GABRB1: variants seen among roughly 807,000 people sequenced by gnomAD.
GABRB1 encodes the protein gamma-aminobutyric acid receptor subunit beta-1.
A neutral mutation model predicts 51.6 loss-of-function variants in GABRB1; 17 were observed. The ratio of observed to expected loss-of-function variants is 0.33; its 90% CI spans 0.23 to 0.49. The LOEUF (loss-of-function observed/expected upper bound fraction) is 0.49, where lower values mean the gene tolerates loss of function less well. Among genes scored for constraint, GABRB1 ranks in the 20% least tolerant of loss-of-function variants. The pLI is 0.99. For missense variants in GABRB1, 410 were observed against 600.6 expected (o/e 0.68, Z 3.32); for synonymous variants, 247 against 218.9 (o/e 1.13, Z -1.14).
chr4:47,396,768 TA>T (rs1215830615), intron 5 of GABRB1, among the ~76,000 whole-genome samples: 19 of 152,218 alleles, frequency 1.2e-4, no homozygotes, highest in Admixed American at 1.3e-4. Flanking sequence ...ATTTGGGTTA[TA>T]ACAAATTATA....
At chr4:46,995,960 C>T (rs376018402) in intron 1 of GABRB1, among the ~76,000 whole-genome samples, 93 of 151,990 alleles carry the variant, frequency 6.1e-4, no homozygotes, top group African/African-American at 1.8e-3. Context: ...TATCTCTTCT[C>T]ATTTTATTTC....
At chr4:47,002,020 A>G (rs1512144) in intron 1 of GABRB1, among the ~76,000 whole-genome samples, 88,961 of 152,054 alleles carry the variant, frequency 0.59, 26,385 homozygotes, top group East Asian at 0.66. Context: ...GTAACTCATG[A>G]TATGTGAACC....
At chr4:47,117,602 C>G (rs1715561053) in intron 3 of GABRB1, among the ~76,000 whole-genome samples, 1 of 152,184 alleles carries the variant, frequency 6.6e-6, no homozygotes, top group African/African-American at 2.4e-5. Context: ...CTTAATAGAA[C>G]TAACACTTGG....
intron 3 of GABRB1, among the ~76,000 whole-genome samples, chr4:47,083,679 C>G (rs1251454247): frequency 6.6e-6 from 1 of 152,120 alleles, no homozygotes; most frequent in Non-Finnish European, 1.5e-5. Context: ...TTTATCTCCT[C>G]CCACACCAAT....
At chr4:47,378,059 G>A (rs1365153409) in intron 5 of GABRB1, among the ~76,000 whole-genome samples, 2 of 152,212 alleles carry the variant, frequency 1.3e-5, no homozygotes, top group Non-Finnish European at 2.9e-5. Context: ...TCAGCCCTTG[G>A]GTGGTCGATG....
rs191930359 is a variant in GABRB1 at position 47,057,324 on chromosome 4, T to C, written c.240+24840T>C. Among the ~76,000 whole-genome samples, 13 of 152,354 alleles carry C rather than the reference T, an allele frequency of 8.5e-5. No individual in the cohort carries two copies. In the East Asian group the frequency reaches 2.1e-3, roughly 25 times the overall value. The stretch of plus-strand genomic sequence containing the variant: ...AAAGTGTTCTATTAAATAGCAGACA[T>C]TTGTGAGTTTTTATACAATGTGATT... On this transcript the variant is annotated intron_variant, in intron 3 of 8. Coordinates refer to ENST00000295454, the MANE Select transcript of GABRB1 (RefSeq NM_000812.4).
chr4:47,189,259 A>G (rs1375460270), intron 4 of GABRB1, among the ~76,000 whole-genome samples: 3 of 151,894 alleles, frequency 2.0e-5, no homozygotes, highest in Non-Finnish European at 4.4e-5. Context: ...AGTACCATGC[A>G]TGGGTTAAGC....
chr4:47,146,340 G>A (rs200572641), intron 3 of GABRB1, among the ~76,000 whole-genome samples: 1 of 151,616 alleles, frequency 6.6e-6, no homozygotes, highest in East Asian at 2.0e-4. Context: ...CTTTTTGGTA[G>A]TCATGATAAT....
At chr4:47,393,040 G>T (rs890553355) in intron 5 of GABRB1, among the ~76,000 whole-genome samples, 3 of 152,226 alleles carry the variant, frequency 2.0e-5, no homozygotes, top group African/African-American at 7.2e-5. Context: ...AGTCATGTCA[G>T]AGGTAGTGTT....
At position 47,156,218 on chromosome 4, in the gene GABRB1, T is replaced by G. The variant is rs367617264; in HGVS notation, c.241-5031T>G. ...AGGGTTCCCTTTTCTCCACATCCTT[T>G]CCAGTATCCATTACTGCCTGTTTTT... is the stretch of plus-strand genomic sequence containing the variant. On this transcript the variant is annotated intron_variant, in intron 3 of 8. Transcript: ENST00000295454. Among the ~76,000 whole-genome samples, 63 of 151,998 alleles carry G rather than the reference T, an allele frequency of 4.1e-4. 1 individual carries two copies. The highest frequency in any genetic ancestry group is 1.5e-3 in the African/African-American group (63 of 41,512).
intron 7 of GABRB1, among the ~76,000 whole-genome samples, chr4:47,406,011 T>C (rs1728553857): frequency 6.6e-6 from 1 of 152,242 alleles, no homozygotes; most frequent in Admixed American, 6.5e-5. Flanking sequence ...TAATTCATTC[T>C]AGGTTCTGGA....
Position 47,369,375 on chromosome 4 carries a change from T to G in GABRB1, c.545-33943T>G, listed in dbSNP as rs373176342. On this transcript the variant is annotated intron_variant, in intron 5 of 8. Transcript: ENST00000295454. ...GACTTATTTAGTCATGAAATTATTATTCTTGTGTCTAATCTCCTGTTGCAA... is the reference window on the plus strand; with the variant it reads ...GACTTATTTAGTCATGAAATTATTAGTCTTGTGTCTAATCTCCTGTTGCAA... Among the ~76,000 whole-genome samples, 20 of 152,178 alleles carry G rather than the reference T, an allele frequency of 1.3e-4. No homozygotes were observed. The South Asian group carries it at 3.9e-3, about 30-fold the overall frequency.
At chr4:47,208,223 A>G (rs991316174) in intron 4 of GABRB1, among the ~76,000 whole-genome samples, 1 of 152,116 alleles carries the variant, frequency 6.6e-6, no homozygotes, top group Non-Finnish European at 1.5e-5. Flanking sequence ...GCTAAGAAAA[A>G]TAAACCAGAT....
chr4:47,153,748 T>G (rs1717564840), intron 3 of GABRB1, among the ~76,000 whole-genome samples: 1 of 152,028 alleles, frequency 6.6e-6, no homozygotes, highest in Non-Finnish European at 1.5e-5. Flanking sequence ...AGTCATTGGG[T>G]TGATTAATTT....
rs116195376 is a variant in GABRB1, at chr4:47,004,863, A to G, written c.-20+10937A>G. On this transcript the variant is annotated intron_variant, in intron 1 of 3. Transcript: ENST00000513567. ...TTCTAGGAAAAACAATATGTTTGCTATTTGAAGTTTAATACTTATAGTTTC... is the reference window on the plus strand; with the variant it reads ...TTCTAGGAAAAACAATATGTTTGCTGTTTGAAGTTTAATACTTATAGTTTC... 2.6e-3 allele frequency among the ~76,000 whole-genome samples: 401 copies of G among 152,334 alleles called. 2 individuals carry two copies. Among genetic ancestry groups the G allele is most frequent in the African/African-American group, 9.5e-3 (395 of 41,576 alleles).
At chr4:47,025,445 G>A (rs1270778500) in intron 1 of GABRB1, among the ~76,000 whole-genome samples, 1 of 151,882 alleles carries the variant, frequency 6.6e-6, no homozygotes. Context: ...GAGTAAGGCG[G>A]TATTGTATTG....
At chr4:47,055,200 AT>A (rs1726536525) in intron 3 of GABRB1, among the ~76,000 whole-genome samples, 1 of 152,230 alleles carries the variant, frequency 6.6e-6, no homozygotes, top group Non-Finnish European at 1.5e-5. Flanking sequence ...AAGTAATTTA[AT>A]TGTTTGTCGA....
chr4:47,313,756 A>G (rs1724787858), intron 4 of GABRB1, among the ~76,000 whole-genome samples: 1 of 152,104 alleles, frequency 6.6e-6, no homozygotes. Context: ...AGCCTAACAT[A>G]GATTCATGAA....
At chr4:47,376,275 T>C (rs1032267983) in intron 5 of GABRB1, among the ~76,000 whole-genome samples, 5 of 152,106 alleles carry the variant, frequency 3.3e-5, no homozygotes, top group African/African-American at 1.2e-4. Context: ...TGAGAGAATA[T>C]GATCAGCAAC....
Sources: allele counts gnomAD v4.1 joint callset (sites outside exome capture counted in the v4.1 genomes callset), GRCh38; gene constraint gnomAD v4.1.1; transcripts MANE v1.5; gene names NCBI Gene and HGNC (gene_info 2026-07-23, HGNC 2026-07-21).